PTPRD: variants seen among roughly 807,000 people sequenced by gnomAD.
PTPRD encodes the protein receptor-type tyrosine-protein phosphatase delta.
In PTPRD, 34 loss-of-function variants were observed where a neutral mutation model predicts 214.5. That is an observed-to-expected ratio of 0.16 (90% confidence interval 0.12 to 0.21). The LOEUF is 0.21. PTPRD is among the 10% of genes least tolerant of loss of function. The pLI is 1.00. For synonymous variants in PTPRD, 1,128 were observed against 845.7 expected (o/e 1.33, Z -5.79); for missense variants, 2,545 against 2,398.7 (o/e 1.06, Z -1.27).
chr9:10,142,614 G>A lies in PTPRD; in HGVS notation c.-544-108824C>T, dbSNP rs1162849639. Among the ~76,000 whole-genome samples the A allele has an allele frequency of 4.7e-5, 7 of 149,836 alleles. No individual in the cohort carries two copies. The East Asian group carries it at 1.4e-3, about 29-fold the overall frequency. On this transcript the variant is annotated intron_variant, in intron 3 of 45. Coordinates refer to ENST00000381196, the MANE Select transcript of PTPRD (RefSeq NM_002839.4). Reference sequence around the variant, plus strand: ...CAGTTAGAATGGCAATCATTAAAAAGTCAGGAAACAACAGGTGCTGGAGAG... The same window carrying A: ...CAGTTAGAATGGCAATCATTAAAAAATCAGGAAACAACAGGTGCTGGAGAG...
intron 14 of PTPRD, among the ~76,000 whole-genome samples, chr9:8,589,793 C>T (rs775542872): frequency 9.2e-5 from 14 of 152,146 alleles, no homozygotes; most frequent in Non-Finnish European, 1.9e-4. Context: ...CCTCTGATTC[C>T]TGAACTGTGC....
intron 3 of PTPRD, among the ~76,000 whole-genome samples, chr9:10,332,533 C>T (rs572979457): frequency 6.6e-6 from 1 of 151,772 alleles, no homozygotes; most frequent in Non-Finnish European, 1.5e-5. Context: ...AGTGTACACT[C>T]TTTTTAGAAA....
At chr9:9,957,923 A>G (rs1161816360) in intron 4 of PTPRD, among the ~76,000 whole-genome samples, 1 of 152,090 alleles carries the variant, frequency 6.6e-6, no homozygotes. Context: ...TCAGACCCAC[A>G]TCAATACAGT....
chr9:8,766,479 T>C (rs186805508), intron 11 of PTPRD, among the ~76,000 whole-genome samples: 8 of 152,180 alleles, frequency 5.3e-5, no homozygotes, highest in Admixed American at 1.3e-4. Context: ...AATAAGTGCA[T>C]TGGAAAATGA....
At chr9:9,364,291 G>A (rs11789602) in intron 9 of PTPRD, among the ~76,000 whole-genome samples, 13,050 of 151,396 alleles carry the variant, frequency 0.086, 843 homozygotes, top group Non-Finnish European at 0.14. Flanking sequence ...CTATACCCTG[G>A]ATTACAGTAG....
intron 8 of PTPRD, among the ~76,000 whole-genome samples, chr9:9,511,218 G>C (rs150789715): frequency 2.0e-5 from 3 of 151,808 alleles, no homozygotes; most frequent in Non-Finnish European, 4.4e-5. Flanking sequence ...GTAGTAAATG[G>C]AGACATTTTA....
intron 6 of PTPRD, among the ~76,000 whole-genome samples, chr9:9,735,596 A>G (rs2098278623): frequency 6.6e-6 from 1 of 152,102 alleles, no homozygotes; most frequent in Non-Finnish European, 1.5e-5. Flanking sequence ...CTAATTGGTA[A>G]CAAATCATCC....
rs560970221 is a variant in PTPRD at position 9,195,090 on chromosome 9, A to G, written c.-202-11727T>C. On this transcript the variant is annotated intron_variant, in intron 9 of 45. Transcript: ENST00000381196. ...TATACATATGTGTGTGTTTGTGTAT[A>G]TATATATATATATATATACACACAC... 2.6e-3 allele frequency among the ~76,000 whole-genome samples: 327 copies of G among 125,820 alleles called. 3 individuals carry two copies. Among genetic ancestry groups the G allele is most frequent in the African/African-American group, 7.5e-3 (279 of 37,440 alleles). The allele number at this position is 125,820 out of a possible 152,430, so 82.5% of individuals were successfully genotyped here. A position where few individuals can be genotyped will look rare whatever the true frequency, so the allele number is the denominator to read the frequency against.
intron 4 of PTPRD, among the ~76,000 whole-genome samples, chr9:9,994,570 TC>T (rs1266828756): frequency 6.6e-6 from 1 of 152,050 alleles, no homozygotes; most frequent in African/African-American, 2.4e-5. Context: ...AAGAACAGTG[TC>T]CTTTGTCAAA....
At chr9:8,541,279 G>C (rs1348827419) in intron 14 of PTPRD, among the ~76,000 whole-genome samples, 1 of 151,814 alleles carries the variant, frequency 6.6e-6, no homozygotes, top group Non-Finnish European at 1.5e-5. Context: ...ACCCAGGCTG[G>C]ACTGCAATGG....
intron 7 of PTPRD, among the ~76,000 whole-genome samples, chr9:9,698,217 C>T (rs941966316): frequency 7.9e-5 from 12 of 152,254 alleles, no homozygotes; most frequent in Middle Eastern, 3.4e-3. Flanking sequence ...GGTACACCTC[C>T]GTCTTCCCAT....
intron 12 of PTPRD, among the ~76,000 whole-genome samples, chr9:8,651,739 G>A (rs532433169): frequency 3.3e-5 from 5 of 151,612 alleles, no homozygotes; most frequent in South Asian, 2.1e-4. Context: ...CTCCCTCACC[G>A]AAATCTGTTA....
intron 9 of PTPRD, among the ~76,000 whole-genome samples, chr9:9,280,144 C>G (rs1182202562): frequency 6.6e-6 from 1 of 151,210 alleles, no homozygotes. Flanking sequence ...CTGCACATGA[C>G]AAATACTCTC....
intron 35 of PTPRD, among the ~76,000 whole-genome samples, chr9:8,408,803 C>T (rs3903826): frequency 0.82 from 125,270 of 152,128 alleles, 52,805 homozygotes; most frequent in African/African-American, 0.94. Context: ...ACCTTTCTAA[C>T]GCTAACAACA....
chr9:8,974,034 T>C (rs933961462), intron 11 of PTPRD, among the ~76,000 whole-genome samples: 17 of 152,158 alleles, frequency 1.1e-4, no homozygotes, highest in African/African-American at 3.9e-4. Flanking sequence ...ATAGTTTCTT[T>C]TGTTTTGCAG....
chr9:9,178,699 G>A (rs369761587), intron 10 of PTPRD, among the ~76,000 whole-genome samples: 2 of 152,008 alleles, frequency 1.3e-5, no homozygotes, highest in East Asian at 3.9e-4. Flanking sequence ...ACATATTGTT[G>A]TTTCTACATT....
intron 8 of PTPRD, among the ~76,000 whole-genome samples, chr9:9,536,390 T>C (rs1237721447): frequency 6.6e-6 from 1 of 152,138 alleles, no homozygotes; most frequent in East Asian, 1.9e-4. Context: ...ACATTTAAAA[T>C]AGAATTTGCA....
intron 2 of PTPRD, among the ~76,000 whole-genome samples, chr9:10,567,471 C>T (rs2065974607): frequency 6.6e-6 from 1 of 152,004 alleles, no homozygotes; most frequent in Non-Finnish European, 1.5e-5. Flanking sequence ...TAACCAGTTT[C>T]CAAAGAACAC....
At chr9:10,566,420 T>C (rs939652632) in intron 2 of PTPRD, among the ~76,000 whole-genome samples, 3 of 151,990 alleles carry the variant, frequency 2.0e-5, no homozygotes, top group Non-Finnish European at 4.4e-5. Context: ...CTTAGTAATA[T>C]TTAGTATTGT....
Sources: allele counts gnomAD v4.1 joint callset (sites outside exome capture counted in the v4.1 genomes callset), GRCh38; gene constraint gnomAD v4.1.1; transcripts MANE v1.5; gene names NCBI Gene and HGNC (gene_info 2026-07-23, HGNC 2026-07-21).